Variants in PDE9A observed in about 807,000 individuals in gnomAD.
PDE9A encodes the protein phosphodiesterase 9A.
PDE9A carries 60 observed loss-of-function variants against 87.4 expected under a neutral mutation model. The ratio of observed to expected loss-of-function variants is 0.69; its 90% confidence interval spans 0.56 to 0.85. The LOEUF (loss-of-function observed/expected upper bound fraction) is 0.85. Ranked by LOEUF, PDE9A falls within the 40% of genes least tolerant of loss-of-function variation. The pLI, the probability that PDE9A is intolerant of heterozygous loss-of-function variation, is 0.00. For missense variants in PDE9A, 665 were observed against 779.0 expected (o/e 0.85, Z 1.74); for synonymous variants, 272 against 279.4 (o/e 0.97, Z 0.27).
chr21:42,717,208 A>G (rs957077522), intron 4 of PDE9A, among the ~76,000 whole-genome samples: 4 of 151,282 alleles, frequency 2.6e-5, no homozygotes, highest in African/African-American at 9.7e-5. Flanking sequence ...CCTTCACTCT[A>G]AAGCATTTCT....
intron 7 of PDE9A, among the ~76,000 whole-genome samples, chr21:42,740,272 C>T (rs570450503): frequency 7.9e-5 from 12 of 152,006 alleles, no homozygotes; most frequent in Middle Eastern, 3.4e-3. Context: ...GGCAAAACCC[C>T]ATCTCTACAA....
intron 4 of PDE9A, among the ~76,000 whole-genome samples, chr21:42,714,357 C>G (rs1287349145): frequency 6.6e-6 from 1 of 152,192 alleles, no homozygotes; most frequent in Admixed American, 6.5e-5. Context: ...GTATCACATG[C>G]AGGTTTGTTA....
rs780176237 is a variant in PDE9A, at chr21:42,751,109, T to G, written c.654-7T>G. The G allele has an allele frequency of 3.8e-6, 6 of 1,588,714 alleles. No homozygotes were observed. The highest frequency in any genetic ancestry group is 5.2e-6 in the Non-Finnish European group (6 of 1,156,700). ...GACCACAGCTCATCTCTGCTCCTTC[T>G]CTCTAGGACCAACTGCCCCTGTAAG... On this transcript the variant is annotated splice_polypyrimidine_tract_variant and splice_region_variant and intron_variant, in intron 8 of 19. Coordinates refer to ENST00000291539, the MANE Select transcript of PDE9A (RefSeq NM_002606.3).
chr21:42,750,730 C>T (rs1320302749), intron 8 of PDE9A, among the ~76,000 whole-genome samples: 1 of 152,110 alleles, frequency 6.6e-6, no homozygotes, highest in African/African-American at 2.4e-5. Flanking sequence ...CACACGCCAC[C>T]ACGCCCAGCT....
chr21:42,657,291 C>A (rs577093870), intron 1 of PDE9A, among the ~76,000 whole-genome samples: 1 of 152,352 alleles, frequency 6.6e-6, no homozygotes, highest in South Asian at 2.1e-4. Flanking sequence ...CAGATCAGGA[C>A]TTGGCACTTC....
intron 1 of PDE9A, among the ~76,000 whole-genome samples, chr21:42,667,682 C>G (rs1470347748): frequency 6.6e-6 from 1 of 152,108 alleles, no homozygotes; most frequent in Non-Finnish European, 1.5e-5. Flanking sequence ...AAGAACCAGG[C>G]ATTACCTTTA....
chr21:42,715,572 G>A (rs2049831634), intron 4 of PDE9A, among the ~76,000 whole-genome samples: 1 of 151,598 alleles, frequency 6.6e-6, no homozygotes, highest in Non-Finnish European at 1.5e-5. Context: ...AGCTGAGATT[G>A]CATCACTGCA....
intron 19 of PDE9A, among the ~76,000 whole-genome samples, chr21:42,773,595 A>T (rs953702741): frequency 6.6e-6 from 1 of 151,398 alleles, no homozygotes; most frequent in Admixed American, 6.6e-5. Flanking sequence ...TCACGAGGAG[A>T]TCGAGACCAT....
chr21:42,724,703 C>T (rs1313509514), intron 4 of PDE9A: 16 of 570,652 alleles, frequency 2.8e-5, no homozygotes, highest in African/African-American at 4.0e-5. Flanking sequence ...TGTCTGTACC[C>T]TTCCTGAGAA....
At chr21:42,714,131 G>T (rs1320376512) in intron 4 of PDE9A, among the ~76,000 whole-genome samples, 1 of 146,012 alleles carries the variant, frequency 6.8e-6, no homozygotes, top group African/African-American at 2.6e-5. Context: ...CCATTCTCCT[G>T]CCTCAGCCTC....
At chr21:42,685,146 G>A (rs973049570) in intron 1 of PDE9A, among the ~76,000 whole-genome samples, 1 of 152,220 alleles carries the variant, frequency 6.6e-6, no homozygotes, top group South Asian at 2.1e-4. Flanking sequence ...GCGGGGCCTC[G>A]GCGTGGCCCG....
At position 42,772,485 on chromosome 21, in the gene PDE9A, C is replaced by G; in HGVS notation, c.1733C>G (p.Ser578Cys). The G allele has an allele frequency of 6.2e-7, 1 of 1,610,084 alleles. No individual in the cohort carries two copies. The highest frequency in any genetic ancestry group is 8.5e-7 in the Non-Finnish European group (1 of 1,178,456). Residue 578 changes from serine to cysteine, a missense_variant, in exon 19 of 20, where the codon TCC becomes TGC. Coordinates refer to ENST00000291539, the MANE Select transcript of PDE9A (RefSeq NM_002606.3). ...TTGACGTCTGGGGCCACCGAGAAGT[C>G]CAGAGAGAGAAGCAGAGATGTGAAA... is the stretch of plus-strand genomic sequence containing the variant. ...DSLTSGATEKSRERSRDVKNS... is the reference protein window; with the variant it reads ...DSLTSGATEKCRERSRDVKNS...
intron 4 of PDE9A, among the ~76,000 whole-genome samples, chr21:42,719,022 G>A (rs867640235): frequency 1.3e-5 from 2 of 151,698 alleles, no homozygotes; most frequent in African/African-American, 4.8e-5. Flanking sequence ...GTTTTAGTAG[G>A]AAGCCTGAGG....
chr21:42,725,756 C>A (rs1009534725), intron 4 of PDE9A, among the ~76,000 whole-genome samples: 1 of 152,202 alleles, frequency 6.6e-6, no homozygotes, highest in Non-Finnish European at 1.5e-5. Context: ...TGAAAGGCAT[C>A]TGCATCGTTT....
chr21:42,756,072 G>C (rs1052030709), intron 10 of PDE9A, among the ~76,000 whole-genome samples: 1 of 152,246 alleles, frequency 6.6e-6, no homozygotes, highest in African/African-American at 2.4e-5. Flanking sequence ...GGGGCTGGCA[G>C]GTGGGCAAGG....
intron 4 of PDE9A, among the ~76,000 whole-genome samples, chr21:42,718,345 A>G (rs2050156340): frequency 6.6e-6 from 1 of 151,766 alleles, no homozygotes; most frequent in Non-Finnish European, 1.5e-5. Flanking sequence ...TTACCTTTTC[A>G]GCAAATTTGC....
Position 42,751,195 on chromosome 21 carries a change from A to C in PDE9A, c.733A>C (p.Lys245Gln). ...TCGACGCGATGTTCCCACTTACCCC[A>C]AGGTAAGATGAGATTCCGGCCCAGA... is the stretch of plus-strand genomic sequence containing the variant. ...TPRRDVPTYPKYLLSPETIEA... is the reference protein window; with the variant it reads ...TPRRDVPTYPQYLLSPETIEA... Residue 245 changes from lysine to glutamine, a missense_variant and splice_region_variant, in exon 9 of 20, where the codon AAG becomes CAG. By Grantham distance (53) the Lys-to-Gln change is moderately conservative (BLOSUM62 1). Transcript: ENST00000291539. 1 of 1,602,956 alleles carries C rather than the reference A, an allele frequency of 6.2e-7. No individual in the cohort carries two copies. Among genetic ancestry groups the C allele is most frequent in the Non-Finnish European group, 8.5e-7 (1 of 1,170,082 alleles).
chr21:42,725,752 G>C (rs2050966269), intron 4 of PDE9A, among the ~76,000 whole-genome samples: 2 of 152,190 alleles, frequency 1.3e-5, no homozygotes, highest in Non-Finnish European at 2.9e-5. Context: ...CCCTTGAAAG[G>C]CATCTGCATC....
intron 7 of PDE9A, chr21:42,741,706 C>T (rs1307685296): frequency 1.5e-5 from 2 of 131,436 alleles, no homozygotes; most frequent in East Asian, 2.3e-4. Flanking sequence ...GGAAACGCCT[C>T]GAAACCCACC....
Sources: gnomAD v4.1 joint callset for allele counts (sites outside exome capture counted in the v4.1 genomes callset) on GRCh38, gnomAD v4.1.1 for gene constraint, MANE v1.5 for transcripts, NCBI Gene and HGNC (gene_info 2026-07-23, HGNC 2026-07-21) for gene names.